Variants in TENM2 observed in about 807,000 individuals in gnomAD.
TENM2 encodes teneurin transmembrane protein 2.
A neutral mutation model predicts 245.2 loss-of-function variants in TENM2; 52 were observed. The observed-to-expected ratio is 0.21, with a 90% CI of 0.17 to 0.27. The LOEUF (loss-of-function observed/expected upper bound fraction) is 0.27, where lower values mean the gene tolerates loss of function less well. Ranked by LOEUF, TENM2 falls within the 10% of genes least tolerant of loss-of-function variation. TENM2 has a pLI of 1.00. For synonymous variants in TENM2, 1,363 were observed against 1,438.9 expected, an observed-to-expected ratio of 0.95 and a Z score of 1.19; for missense variants, 3,046 against 3,666.8, an observed-to-expected ratio of 0.83 and a Z score of 4.37.
At chr5:168,163,401 AATGTGAAAGTT>A (rs1395473382) in intron 13 of TENM2, among the ~76,000 whole-genome samples, 1 of 152,228 alleles carries the variant, frequency 6.6e-6, no homozygotes, top group Non-Finnish European at 1.5e-5. Context: ...AATATTTGAT[AATGTGAAAGTT>A]ATGTGAAATT....
intron 5 of TENM2, among the ~76,000 whole-genome samples, chr5:168,022,830 C>T (rs1786275168): frequency 6.6e-6 from 1 of 152,128 alleles, no homozygotes; most frequent in Admixed American, 6.5e-5. Flanking sequence ...TTTTTTTACC[C>T]CTCTGAGATT....
At chr5:167,972,539 T>C (rs1781867072) in intron 4 of TENM2, among the ~76,000 whole-genome samples, 1 of 152,212 alleles carries the variant, frequency 6.6e-6, no homozygotes, top group South Asian at 2.1e-4. Flanking sequence ...GTATATATCT[T>C]TCTTTGCATA....
At chr5:167,471,770 A>G (rs1767045231) in intron 2 of TENM2, among the ~76,000 whole-genome samples, 1 of 152,176 alleles carries the variant, frequency 6.6e-6, no homozygotes, top group African/African-American at 2.4e-5. Flanking sequence ...TCAGTGCAAA[A>G]AGTCAAGAGA....
chr5:167,015,388 A>G, the TENM2 span, among the ~76,000 whole-genome samples: 1 of 152,204 alleles, frequency 6.6e-6, no homozygotes, highest in Non-Finnish European at 1.5e-5. Flanking sequence ...ATGATATTTT[A>G]GCCTGCGTGT....
chr5:168,214,862 A>C, intron 20 of TENM2, 178 bp from the exon 23 acceptor site: 1 of 694,992 alleles, frequency 1.4e-6, no homozygotes. Context: ...AATTAGAAGT[A>C]GCTAAGAACC....
chr5:167,615,203 G>A lies in TENM2; in HGVS notation c.502+239730G>A, dbSNP rs1031401513. Among the ~76,000 whole-genome samples, 6 of 152,122 alleles carry A rather than the reference G, an allele frequency of 3.9e-5. No homozygotes were observed. In the East Asian group the frequency reaches 5.8e-4, roughly 15 times the overall value. The stretch of plus-strand genomic sequence containing the variant: ...TTCTATTCTGGACTGTCCTGTTACC[G>A]TGAATAATATGGGGTGGGGTGAATT... On this transcript the variant is annotated intron_variant, in intron 2 of 28. Transcript: ENST00000518659.
chr5:167,503,540 A>G (rs1162608412), intron 2 of TENM2, among the ~76,000 whole-genome samples: 4 of 151,958 alleles, frequency 2.6e-5, no homozygotes, highest in African/African-American at 9.7e-5. Context: ...GGTGGTTGGA[A>G]ATAAATAACT....
the TENM2 span, among the ~76,000 whole-genome samples, chr5:167,204,538 T>A: frequency 6.6e-6 from 1 of 152,200 alleles, no homozygotes; most frequent in Non-Finnish European, 1.5e-5. Context: ...AGCGGAATCC[T>A]GCTTAGGATT....
At chr5:167,461,791 C>G (rs1766307687) in intron 2 of TENM2, among the ~76,000 whole-genome samples, 1 of 152,086 alleles carries the variant, frequency 6.6e-6, no homozygotes, top group African/African-American at 2.4e-5. Flanking sequence ...TTAACTATTT[C>G]TGGTAACATG....
intron 2 of TENM2, among the ~76,000 whole-genome samples, chr5:167,663,163 AG>A (rs1755336472): frequency 6.6e-6 from 1 of 150,416 alleles, no homozygotes; most frequent in African/African-American, 2.5e-5. Context: ...AGAGAGAGAG[AG>A]AGAGAGAGAG....
At chr5:167,254,052 A>T in the TENM2 span, among the ~76,000 whole-genome samples, 1 of 152,064 alleles carries the variant, frequency 6.6e-6, no homozygotes, top group Admixed American at 6.6e-5. Context: ...TATTTAATAC[A>T]AGTTGCTTGG....
At chr5:167,081,455 CT>C in the TENM2 span, among the ~76,000 whole-genome samples, 3 of 151,320 alleles carry the variant, frequency 2.0e-5, no homozygotes, top group East Asian at 5.8e-4. Context: ...CTTTTTTTTG[CT>C]TTTTAAAAGT....
intron 3 of TENM2, among the ~76,000 whole-genome samples, chr5:167,939,497 G>GTTAAATGGAAA (rs1778999691): frequency 1.3e-5 from 2 of 152,164 alleles, no homozygotes; most frequent in Non-Finnish European, 2.9e-5. Flanking sequence ...CTCTATCCAA[G>GTTAAATGGAAA]CTCTATTTCC....
chr5:167,233,002 A>G, the TENM2 span, among the ~76,000 whole-genome samples: 2 of 148,252 alleles, frequency 1.3e-5, no homozygotes, highest in Admixed American at 6.7e-5. Flanking sequence ...AAGGAGAGTC[A>G]ACTACTTGGA....
chr5:167,334,511 T>G (rs1757643546), intron 1 of TENM2, among the ~76,000 whole-genome samples: 1 of 152,216 alleles, frequency 6.6e-6, no homozygotes, highest in African/African-American at 2.4e-5. Flanking sequence ...TTCAGACTTT[T>G]CTAGGTAGAC....
chr5:167,999,071 A>C (rs1226666033), intron 5 of TENM2, among the ~76,000 whole-genome samples: 1 of 152,160 alleles, frequency 6.6e-6, no homozygotes, highest in Non-Finnish European at 1.5e-5. Flanking sequence ...AAATGATGAG[A>C]ATGGTACACT....
chr5:167,518,055 C>T (rs1034916462), intron 2 of TENM2, among the ~76,000 whole-genome samples: 4 of 151,706 alleles, frequency 2.6e-5, no homozygotes, highest in South Asian at 4.2e-4. Flanking sequence ...GATGTTACGG[C>T]GCACACCTGT....
chr5:167,897,058 G>T (rs1369681479), intron 3 of TENM2, among the ~76,000 whole-genome samples: 1 of 152,178 alleles, frequency 6.6e-6, no homozygotes, highest in African/African-American at 2.4e-5. Flanking sequence ...ATAATGTGAG[G>T]CTCATCATTC....
rs1049261782 is a variant in TENM2, at chr5:168,211,877, T to A, written c.3845+123T>A. ...TTTTTATGTACCAAATATAGTAACT[T>A]TTTTATGTGCTAATTGTGTGTTGTG... On this transcript the variant is annotated intron_variant, in intron 20 of 28. Coordinates refer to ENST00000518659, the Ensembl canonical transcript of TENM2. 3 of 584,302 alleles carry A rather than the reference T, an allele frequency of 5.1e-6. No individual in the cohort carries two copies. In the Admixed American group the frequency reaches 1.2e-4, roughly 22 times the overall value. The allele number at this position is 584,302 out of a possible 1,614,324, so 36.2% of individuals were successfully genotyped here. A position where few individuals can be genotyped will look rare whatever the true frequency, so the allele number is the denominator to read the frequency against.
Sources: allele counts gnomAD v4.1 joint callset (sites outside exome capture counted in the v4.1 genomes callset), GRCh38; gene constraint gnomAD v4.1.1; transcripts MANE v1.5; gene names NCBI Gene and HGNC (gene_info 2026-07-23, HGNC 2026-07-21).